Variants in MACF1 observed in about 807,000 individuals in gnomAD.
MACF1 encodes the protein microtubule-actin cross-linking factor 1.
MACF1 carries 193 observed loss-of-function variants against 854.8 expected under a neutral mutation model. The ratio of observed to expected loss-of-function variants is 0.23; its 90% CI spans 0.20 to 0.25. The LOEUF (loss-of-function observed/expected upper bound fraction) is 0.25. Ranked by LOEUF, MACF1 falls within the 10% of genes least tolerant of loss-of-function variation. The probability of loss-of-function intolerance (pLI) is 1.00; values close to 1 mark genes in which losing one functional copy is unlikely to be tolerated. For synonymous variants in MACF1, 3,185 were observed against 3,226.7 expected, an observed-to-expected ratio of 0.99 and a Z score of 0.44; for missense variants, 7,722 against 8,929.1, an observed-to-expected ratio of 0.86 and a Z score of 5.45.
chr1:39,260,770 C>G (rs921386782), intron 6 of MACF1, among the ~76,000 whole-genome samples: 1 of 152,164 alleles, frequency 6.6e-6, no homozygotes, highest in African/African-American at 2.4e-5. Context: ...TGAATTTTTA[C>G]TGATATTTCT....
rs1644253764 is a variant in MACF1, at chr1:39,447,462, A to G, written c.19636A>G (p.Thr6546Ala). The change falls in exon 81 of 101, where the codon ACA becomes GCA. Residue 6546 changes from threonine (T) to alanine (A), a missense_variant. Thr to Ala is a moderately conservative substitution (Grantham distance 58, BLOSUM62 0). This residue lies in a region of MACF1 where 729 missense variants were observed against 900.5 expected (regional missense o/e 0.81). Coordinates refer to ENST00000564288, the MANE Select transcript of MACF1 (RefSeq NM_001394062.1). ...GCTGGAAGAGGCCCTCAACTTGGCAACAGAATTCCAGAATTCCCTACAAGA... is the reference window on the plus strand; with the variant it reads ...GCTGGAAGAGGCCCTCAACTTGGCAGCAGAATTCCAGAATTCCCTACAAGA... Reference protein sequence around the residue: ...SKLEEALNLATEFQNSLQEFI... With the variant: ...SKLEEALNLAAEFQNSLQEFI... 6 of 1,614,164 alleles carry G rather than the reference A, an allele frequency of 3.7e-6. No individual in the cohort carries two copies. In the East Asian group the frequency reaches 1.1e-4, roughly 30 times the overall value.
rs1646286914 is a variant in MACF1 at position 39,310,914 on chromosome 1, G to A, written c.3184G>A (p.Val1062Met). 6.2e-7 allele frequency: 1 copy of A among 1,614,088 alleles called. No individual in the cohort carries two copies. The highest frequency in any genetic ancestry group is 1.1e-5 in the South Asian group (1 of 91,084). The change falls in exon 26 of 101, where the codon GTG (valine) becomes ATG (methionine). Residue 1062 changes from valine to methionine, a missense_variant. Val to Met is a conservative substitution (Grantham distance 21, BLOSUM62 1). This residue lies in a region of MACF1 where 1,137 missense variants were observed against 1,263.0 expected (regional missense o/e 0.90). Coordinates refer to ENST00000564288, the MANE Select transcript of MACF1 (RefSeq NM_001394062.1). ...RLRLEEYEQR[V>M]VKRIQSLASS... ...ACGCCTGGAGGAGTATGAACAGAGGGTGGTCAAACGAATTCAGTCTCTAGC... is the reference window on the plus strand; with the variant it reads ...ACGCCTGGAGGAGTATGAACAGAGGATGGTCAAACGAATTCAGTCTCTAGC...
Position 39,332,219 on chromosome 1 carries a change from TA to T in MACF1, c.5635del (p.Ile1879SerfsTer26). ...GTATTGTGTCTACTGAACTAGCACATAAAATCCTTAGTAACCGACAGCATAT... is the reference window on the plus strand; with the variant it reads ...GTATTGTGTCTACTGAACTAGCACATAAATCCTTAGTAACCGACAGCATAT... ...QGIVSTELAH[K>X]ILSNRQHIKA... On this transcript the variant is annotated frameshift_variant, in exon 37 of 101. Coordinates refer to ENST00000564288, the MANE Select transcript of MACF1 (RefSeq NM_001394062.1). LOFTEE classifies it high-confidence loss of function. 1 of 1,614,074 alleles carries T rather than the reference TA, an allele frequency of 6.2e-7. No homozygotes were observed. The highest frequency in any genetic ancestry group is 8.5e-7 in the Non-Finnish European group (1 of 1,180,038).
intron 99 of MACF1, among the ~76,000 whole-genome samples, chr1:39,483,641 G>T (rs1381141517): frequency 6.6e-6 from 1 of 152,174 alleles, no homozygotes; most frequent in Non-Finnish European, 1.5e-5. Context: ...CAAGAGAGAA[G>T]CAAAGACACA....
At chr1:39,213,067 T>C (rs1644535498) in intron 1 of MACF1, among the ~76,000 whole-genome samples, 1 of 152,264 alleles carries the variant, frequency 6.6e-6, no homozygotes, top group Admixed American at 6.5e-5. Flanking sequence ...GCTTTGGAGC[T>C]GGACAAATGG....
At position 39,210,549 on chromosome 1, in the gene MACF1, G is replaced by A. The variant is rs1008950254; in HGVS notation, c.109+5418G>A. Reference sequence around the variant, plus strand: ...TTTTCTTAAAGATTTGTATGGTGTAGTAGAAAAACCACTTAACTTGGAATC... The same window carrying A: ...TTTTCTTAAAGATTTGTATGGTGTAATAGAAAAACCACTTAACTTGGAATC... On this transcript the variant is annotated intron_variant, in intron 1 of 100. Transcript: ENST00000564288. 1.8e-4 allele frequency among the ~76,000 whole-genome samples: 27 copies of A among 151,876 alleles called. 1 individual carries two copies. The highest frequency in any genetic ancestry group is 3.4e-4 in the Non-Finnish European group (23 of 67,968).
chr1:39,414,439 G>A (rs978808026), intron 58 of MACF1: 2 of 1,614,058 alleles, frequency 1.2e-6, no homozygotes, highest in Admixed American at 3.3e-5. Context: ...ACATGGGAAA[G>A]TGCCTCTGGC....
intron 97 of MACF1, 58 bp downstream of exon 97, chr1:39,469,673 G>T: frequency 7.4e-7 from 1 of 1,351,908 alleles, no homozygotes; most frequent in Non-Finnish European, 1.0e-6. Context: ...GAATGGCTTT[G>T]CTTCTTAAAC....
chr1:39,099,677 A>G (rs571059675), intron 2 of MACF1, among the ~76,000 whole-genome samples: 1 of 152,210 alleles, frequency 6.6e-6, no homozygotes, highest in African/African-American at 2.4e-5. Context: ...CTTGAATCAG[A>G]TCTGGCTCCC....
chr1:39,129,512 C>T (rs879798558), intron 2 of MACF1, among the ~76,000 whole-genome samples: 1 of 152,142 alleles, frequency 6.6e-6, no homozygotes, highest in African/African-American at 2.4e-5. Context: ...CTTACTTTCT[C>T]ATTAGAGTGA....
intron 23 of MACF1, chr1:39,304,601 TCG>T: frequency 1.5e-6 from 1 of 673,562 alleles, no homozygotes; most frequent in Non-Finnish European, 2.5e-6. Context: ...CCTTGCTCTG[TCG>T]CTCAGGCTGG....
Position 39,318,459 on chromosome 1 carries a change from T to C in MACF1, c.3789T>C (p.Ser1263=), listed in dbSNP as rs906046887. The part of the protein sequence containing the change: ...RVIAQLEIRQ[S]ELESIQEVLG... ...TTTCCCTTTGTTCTTCTAGCCAATC[T>C]GAGCTAGAAAGTATCCAGGAAGTTC... is the stretch of plus-strand genomic sequence containing the variant. Residue 1263 remains serine, a synonymous_variant, in exon 30 of 101, where the codon TCT becomes TCC. Transcript: ENST00000564288. 3.1e-6 allele frequency: 5 copies of C among 1,613,404 alleles called. No individual in the cohort carries two copies. In the African/African-American group the frequency reaches 6.7e-5, roughly 22 times the overall value.
At chr1:39,150,721 A>G (rs1219412899) in intron 2 of MACF1, among the ~76,000 whole-genome samples, 2 of 152,200 alleles carry the variant, frequency 1.3e-5, no homozygotes, top group African/African-American at 2.4e-5. Flanking sequence ...GTAAATTTTC[A>G]GCTCTGATCT....
In MACF1 at chr1:39,257,386, TCTA is replaced by T. The variant is rs563423720; in HGVS notation, c.436-548_436-546del. The stretch of plus-strand genomic sequence containing the variant: ...GGCACAATCTCTGCTCACTGCAAGC[TCTA>T]CCTCCCAGGTTCACGCCATTCTCCT... On this transcript the variant is annotated intron_variant, in intron 5 of 100. Transcript: ENST00000564288. 769 of 152,586 alleles carry T rather than the reference TCTA, an allele frequency of 5.0e-3. 9 individuals carry two copies. The highest frequency in any genetic ancestry group is 0.017 in the African/African-American group (723 of 41,542). 9.5% of individuals were successfully genotyped at this position (152,586 alleles called of 1,614,324 possible).
chr1:39,304,561 C>CT, intron 23 of MACF1: 1 of 936,714 alleles, frequency 1.1e-6, no homozygotes. Context: ...ATTTTCTTTT[C>CT]TTTCTTTTTT....
chr1:39,474,739 G>GT (rs1644843391), intron 97 of MACF1, among the ~76,000 whole-genome samples: 1 of 152,176 alleles, frequency 6.6e-6, no homozygotes, highest in African/African-American at 2.4e-5. Context: ...GTGTATAAGT[G>GT]TATGTGTGTA....
At chr1:39,435,268 G>A (rs1643948898) in intron 69 of MACF1, among the ~76,000 whole-genome samples, 1 of 152,212 alleles carries the variant, frequency 6.6e-6, no homozygotes. Flanking sequence ...AGAGTGTGGA[G>A]TAGACTTGTA....
At chr1:39,419,241 A>G (rs1291805361) in intron 58 of MACF1, among the ~76,000 whole-genome samples, 1 of 152,250 alleles carries the variant, frequency 6.6e-6, no homozygotes, top group Non-Finnish European at 1.5e-5. Flanking sequence ...AAATGATACA[A>G]ATACCCATTG....
At chr1:39,459,466 C>T (rs1644507277) in intron 91 of MACF1, among the ~76,000 whole-genome samples, 5 of 152,150 alleles carry the variant, frequency 3.3e-5, no homozygotes, top group Admixed American at 3.3e-4. Context: ...GCTAAAGCTT[C>T]TAGGTGTGGA....
Sources: gnomAD v4.1 joint callset for allele counts (sites outside exome capture counted in the v4.1 genomes callset) on GRCh38, gnomAD v4.1.1 for gene constraint, gnomAD v4.1.1 regional missense constraint, MANE v1.5 for transcripts, NCBI Gene and HGNC (gene_info 2026-07-23, HGNC 2026-07-21) for gene names.